The following PRKCE variants were observed in gnomAD, a reference collection of about 807,000 sequenced individuals.
PRKCE encodes protein kinase C epsilon.
Under a neutral mutation model 85.4 loss-of-function variants are expected in PRKCE, and 16 were observed. The observed-to-expected ratio is 0.19, with a 90% confidence interval of 0.13 to 0.28. The LOEUF is 0.28. Among genes scored for constraint, PRKCE ranks in the 10% least tolerant of loss-of-function variants. The probability of loss-of-function intolerance (pLI) is 1.00; values close to 1 mark genes in which losing one functional copy is unlikely to be tolerated. For missense variants in PRKCE, 573 were observed against 975.2 expected, an observed-to-expected ratio of 0.59 and a Z score of 5.49; for synonymous variants, 388 against 371.5, an observed-to-expected ratio of 1.04 and a Z score of -0.51.
chr2:45,807,236 A>G (rs1332076449), intron 1 of PRKCE, among the ~76,000 whole-genome samples: 1 of 152,244 alleles, frequency 6.6e-6, no homozygotes, highest in Non-Finnish European at 1.5e-5. Context: ...AATATACATA[A>G]AGTGTGAAGC....
chr2:45,965,064 A>G (rs1371894153), intron 2 of PRKCE, among the ~76,000 whole-genome samples: 1 of 152,238 alleles, frequency 6.6e-6, no homozygotes, highest in Non-Finnish European at 1.5e-5. Context: ...AGAATAAAAC[A>G]TGCAGGCAAT....
At chr2:45,854,057 A>C (rs1692485902) in intron 2 of PRKCE, among the ~76,000 whole-genome samples, 1 of 152,080 alleles carries the variant, frequency 6.6e-6, no homozygotes, top group African/African-American at 2.4e-5. Flanking sequence ...ACAACCATGT[A>C]CTCACATATT....
At chr2:46,089,992 G>T (rs984564927) in intron 11 of PRKCE, among the ~76,000 whole-genome samples, 1 of 151,986 alleles carries the variant, frequency 6.6e-6, no homozygotes, top group Non-Finnish European at 1.5e-5. Context: ...ACTGCCTCAG[G>T]GTCTCTGGTT....
intron 2 of PRKCE, among the ~76,000 whole-genome samples, chr2:45,900,153 G>A (rs1696469262): frequency 6.6e-6 from 1 of 152,196 alleles, no homozygotes; most frequent in East Asian, 1.9e-4. Context: ...AATGGAAACT[G>A]TTGTTTGTTG....
intron 11 of PRKCE, among the ~76,000 whole-genome samples, chr2:46,086,867 C>G (rs1255236404): frequency 3.9e-5 from 6 of 152,154 alleles, no homozygotes; most frequent in Non-Finnish European, 7.3e-5. Context: ...GGGAACTAGA[C>G]AATATCCAAC....
At chr2:45,686,692 T>C (rs965357093) in intron 1 of PRKCE, among the ~76,000 whole-genome samples, 1 of 152,130 alleles carries the variant, frequency 6.6e-6, no homozygotes, top group African/African-American at 2.4e-5. Context: ...TTAAACCATA[T>C]TATGGTTTAA....
intron 10 of PRKCE, among the ~76,000 whole-genome samples, chr2:46,039,059 G>T (rs1181440621): frequency 6.6e-6 from 1 of 152,150 alleles, no homozygotes; most frequent in Non-Finnish European, 1.5e-5. Context: ...GGCTAACGTA[G>T]TTGAGACCCC....
chr2:45,764,762 T>A (rs759874767), intron 1 of PRKCE, among the ~76,000 whole-genome samples: 1 of 152,228 alleles, frequency 6.6e-6, no homozygotes, highest in Non-Finnish European at 1.5e-5. Context: ...GTTACTATTA[T>A]TTTTGAGCTT....
At chr2:45,672,628 A>T (rs1408407535) in intron 1 of PRKCE, among the ~76,000 whole-genome samples, 1 of 152,174 alleles carries the variant, frequency 6.6e-6, no homozygotes. Flanking sequence ...AATTGACCAG[A>T]CTACCCTGTG....
At chr2:45,913,584 T>A (rs1221015543) in intron 2 of PRKCE, among the ~76,000 whole-genome samples, 1 of 152,220 alleles carries the variant, frequency 6.6e-6, no homozygotes, top group Non-Finnish European at 1.5e-5. Flanking sequence ...CTGCTTCAAG[T>A]CTTGTCGCCT....
At chr2:46,132,341 A>C (rs1674545114) in intron 11 of PRKCE, among the ~76,000 whole-genome samples, 2 of 152,032 alleles carry the variant, frequency 1.3e-5, no homozygotes, top group Non-Finnish European at 2.9e-5. Context: ...TTCACATATC[A>C]CACCTAGTCA....
At chr2:45,977,573 G>A (rs1702555135) in intron 3 of PRKCE, among the ~76,000 whole-genome samples, 1 of 151,876 alleles carries the variant, frequency 6.6e-6, no homozygotes, top group South Asian at 2.1e-4. Context: ...GGAGGTGGAG[G>A]CTGCAGTGAG....
At chr2:46,022,810 G>A (rs564662862) in intron 10 of PRKCE, among the ~76,000 whole-genome samples, 4 of 152,186 alleles carry the variant, frequency 2.6e-5, no homozygotes, top group African/African-American at 4.8e-5. Context: ...TCGGCCGGGC[G>A]CGGTGGCTCA....
intron 14 of PRKCE, among the ~76,000 whole-genome samples, chr2:46,169,041 C>A (rs560293201): frequency 6.6e-6 from 1 of 152,220 alleles, no homozygotes; most frequent in East Asian, 1.9e-4. Context: ...GGGCTCAGCC[C>A]TCCAGCCAGA....
chr2:45,984,931 C>T (rs914824312), intron 6 of PRKCE, among the ~76,000 whole-genome samples: 1 of 152,136 alleles, frequency 6.6e-6, no homozygotes, highest in Non-Finnish European at 1.5e-5. Context: ...AGATCACTCA[C>T]AATCTGGGGA....
At chr2:45,715,392 G>A (rs1680003123) in intron 1 of PRKCE, among the ~76,000 whole-genome samples, 1 of 152,204 alleles carries the variant, frequency 6.6e-6, no homozygotes, top group Admixed American at 6.5e-5. Context: ...CTTGAATTAT[G>A]TCTCTGACTT....
intron 1 of PRKCE, among the ~76,000 whole-genome samples, chr2:45,782,736 T>G (rs565753075): frequency 6.6e-6 from 1 of 151,994 alleles, no homozygotes; most frequent in East Asian, 1.9e-4. Flanking sequence ...AAACAATCTA[T>G]ACACACACAC....
chr2:45,690,312 G>A (rs1226474074), intron 1 of PRKCE, among the ~76,000 whole-genome samples: 1 of 152,220 alleles, frequency 6.6e-6, no homozygotes, highest in Non-Finnish European at 1.5e-5. Context: ...AAAAAAAATA[G>A]TTGTTGCAAA....
intron 1 of PRKCE, among the ~76,000 whole-genome samples, chr2:45,830,807 T>A (rs1690361803): frequency 6.6e-6 from 1 of 152,268 alleles, no homozygotes. Flanking sequence ...TCTGATAGAT[T>A]ATGATCTTTT....
Sources: allele counts gnomAD v4.1 joint callset (sites outside exome capture counted in the v4.1 genomes callset), GRCh38; gene constraint gnomAD v4.1.1; transcripts MANE v1.5; gene names NCBI Gene and HGNC (gene_info 2026-07-23, HGNC 2026-07-21).